Variants in LSAMP observed in about 807,000 individuals in gnomAD.
LSAMP encodes the protein limbic system-associated membrane protein.
A neutral mutation model predicts 38.6 loss-of-function variants in LSAMP; 7 were observed. The ratio of observed to expected loss-of-function variants is 0.18; its 90% confidence interval spans 0.10 to 0.34. The LOEUF is 0.34. LSAMP is among the 10% of genes least tolerant of loss of function. LSAMP has a pLI of 1.00. For missense variants in LSAMP, 313 were observed against 420.0 expected (o/e 0.75, Z 2.23); for synonymous variants, 154 against 166.8 (o/e 0.92, Z 0.59).
At chr3:116,032,911 T>C (rs546790517) in intron 2 of LSAMP, among the ~76,000 whole-genome samples, 73 of 152,226 alleles carry the variant, frequency 4.8e-4, no homozygotes, top group Non-Finnish European at 8.1e-4. Flanking sequence ...CAACTAGAGA[T>C]AAGAAAGTCT....
At chr3:116,420,801 C>A (rs910150947) in intron 1 of LSAMP, among the ~76,000 whole-genome samples, 6 of 152,036 alleles carry the variant, frequency 3.9e-5, no homozygotes, top group African/African-American at 1.4e-4. Flanking sequence ...CACTTGAACC[C>A]GGGAGGCAGA....
At chr3:116,037,576 T>G (rs1941074253) in intron 2 of LSAMP, among the ~76,000 whole-genome samples, 1 of 152,116 alleles carries the variant, frequency 6.6e-6, no homozygotes, top group Admixed American at 6.6e-5. Context: ...ACACAAGGAT[T>G]AACTAAATCA....
At chr3:116,326,026 G>C (rs1264101360) in intron 1 of LSAMP, among the ~76,000 whole-genome samples, 1 of 151,960 alleles carries the variant, frequency 6.6e-6, no homozygotes, top group Non-Finnish European at 1.5e-5. Flanking sequence ...AGGAGTGGGG[G>C]ATTTTATTCT....
chr3:116,365,702 T>C (rs1197622243), intron 1 of LSAMP, among the ~76,000 whole-genome samples: 1 of 90,784 alleles, frequency 1.1e-5, no homozygotes, highest in Non-Finnish European at 2.0e-5. Context: ...GATGAGTTCA[T>C]ATCCTTTGTA....
chr3:116,077,790 T>C (rs1707779806), intron 2 of LSAMP, among the ~76,000 whole-genome samples: 1 of 152,244 alleles, frequency 6.6e-6, no homozygotes, highest in African/African-American at 2.4e-5. Flanking sequence ...TCTCCTTCAC[T>C]CTTGGGCAGT....
rs560346917 is a variant in LSAMP at position 115,875,052 on chromosome 3, A to G, written c.515-22435T>C. Among the ~76,000 whole-genome samples the G allele has an allele frequency of 3.3e-5, 5 of 152,220 alleles. 1 individual carries two copies. Among genetic ancestry groups the G allele is most frequent in the African/African-American group, 1.2e-4 (5 of 41,572 alleles). ...CATATGAGAGAACATCGTTTCTTTT[A>G]TTTCTTTTTATAACAAATTCAAAAG... On this transcript the variant is annotated intron_variant, in intron 3 of 6. Transcript: ENST00000490035.
intron 3 of LSAMP, among the ~76,000 whole-genome samples, chr3:115,925,616 CA>C (rs1396019116): frequency 6.6e-6 from 1 of 152,098 alleles, no homozygotes; most frequent in Admixed American, 6.5e-5. Context: ...AGAGGCATTG[CA>C]AAAATTTTTG....
chr3:116,082,931 C>T (rs9834597), intron 2 of LSAMP, among the ~76,000 whole-genome samples: 2,380 of 152,196 alleles, frequency 0.016, 60 homozygotes, highest in African/African-American at 0.053. Flanking sequence ...AAGATAACTA[C>T]TGGGTACTAA....
At chr3:116,280,369 G>A (rs1469242870) in intron 1 of LSAMP, among the ~76,000 whole-genome samples, 2 of 152,286 alleles carry the variant, frequency 1.3e-5, no homozygotes, top group Non-Finnish European at 2.9e-5. Context: ...AACTTCCTGA[G>A]CCTTAGTCCT....
At chr3:116,330,252 A>G (rs936852577) in intron 1 of LSAMP, among the ~76,000 whole-genome samples, 1 of 152,102 alleles carries the variant, frequency 6.6e-6, no homozygotes, top group Non-Finnish European at 1.5e-5. Flanking sequence ...AAGTGCAGTT[A>G]ATTTTGATCA....
At chr3:115,952,676 C>G (rs960601818) in intron 3 of LSAMP, among the ~76,000 whole-genome samples, 2 of 152,080 alleles carry the variant, frequency 1.3e-5, no homozygotes, top group Admixed American at 6.5e-5. Context: ...AAGAACTTAT[C>G]CATGTAACCA....
intron 3 of LSAMP, among the ~76,000 whole-genome samples, chr3:115,875,220 C>T (rs1015393651): frequency 6.6e-6 from 1 of 152,054 alleles, no homozygotes; most frequent in Admixed American, 6.6e-5. Context: ...TCAGAAGAAG[C>T]GAGGCGAGTA....
At chr3:116,038,086 TAGTGTATA>T (rs2107713171) in intron 2 of LSAMP, among the ~76,000 whole-genome samples, 1 of 152,216 alleles carries the variant, frequency 6.6e-6, no homozygotes, top group South Asian at 2.1e-4. Flanking sequence ...TATGTATTCA[TAGTGTATA>T]ATTTGGTGGT....
chr3:115,819,319 C>T (rs1934149605), intron 6 of LSAMP, among the ~76,000 whole-genome samples: 1 of 152,068 alleles, frequency 6.6e-6, no homozygotes, highest in South Asian at 2.1e-4. Flanking sequence ...TCTGTAATCT[C>T]AGCTACTTGG....
intron 1 of LSAMP, among the ~76,000 whole-genome samples, chr3:116,379,032 C>CACAT (rs1338914280): frequency 6.9e-6 from 1 of 143,904 alleles, no homozygotes; most frequent in African/African-American, 2.5e-5. Flanking sequence ...CACACACACA[C>CACAT]ACGAGTCCTA....
chr3:116,285,369 A>C (rs2047181394), intron 1 of LSAMP, among the ~76,000 whole-genome samples: 1 of 151,970 alleles, frequency 6.6e-6, no homozygotes, highest in Non-Finnish European at 1.5e-5. Flanking sequence ...TCTCTTATAG[A>C]TATATGGGTG....
intron 1 of LSAMP, among the ~76,000 whole-genome samples, chr3:116,381,524 A>C (rs1030209695): frequency 1.3e-5 from 2 of 152,108 alleles, no homozygotes; most frequent in African/African-American, 2.4e-5. Flanking sequence ...CAGTAATGCT[A>C]TCTTAAAATG....
At chr3:116,216,257 A>G (rs766408116) in intron 1 of LSAMP, among the ~76,000 whole-genome samples, 6 of 151,974 alleles carry the variant, frequency 3.9e-5, no homozygotes, top group Non-Finnish European at 8.8e-5. Flanking sequence ...CTTGTCCCTC[A>G]TCTCCCATGA....
At chr3:115,995,349 TC>T (rs1371023350) in intron 3 of LSAMP, among the ~76,000 whole-genome samples, 1 of 152,056 alleles carries the variant, frequency 6.6e-6, no homozygotes, top group Non-Finnish European at 1.5e-5. Context: ...GGGGGCTTTT[TC>T]CTCTTGTTTA....
Sources: allele counts gnomAD v4.1 joint callset (sites outside exome capture counted in the v4.1 genomes callset), GRCh38; gene constraint gnomAD v4.1.1; transcripts MANE v1.5; gene names NCBI Gene and HGNC (gene_info 2026-07-23, HGNC 2026-07-21).